The following LRRC31 variants were observed in gnomAD, a reference collection of about 807,000 sequenced individuals.
LRRC31 encodes the protein leucine-rich repeat-containing protein 31.
LRRC31 carries 35 observed loss-of-function variants against 46.7 expected under a neutral mutation model. The observed-to-expected ratio is 0.75, with a 90% confidence interval of 0.57 to 0.99. The LOEUF is 0.99. Among genes scored for constraint, LRRC31 ranks in the 50% least tolerant of loss-of-function variants. LRRC31 has a pLI of 0.00. For missense variants in LRRC31, 613 were observed against 626.1 expected (o/e 0.98, Z 0.22); for synonymous variants, 236 against 235.1 (o/e 1.00, Z -0.03).
chr3:169,859,485 T>G (rs951214175), intron 3 of LRRC31, among the ~76,000 whole-genome samples: 1 of 152,174 alleles, frequency 6.6e-6, no homozygotes, highest in Non-Finnish European at 1.5e-5. Context: ...ACAGAAATCT[T>G]TAAATAGCTG....
chr3:169,859,379 C>CAGCTACAG (rs1298870372), intron 3 of LRRC31, among the ~76,000 whole-genome samples: 2 of 151,952 alleles, frequency 1.3e-5, no homozygotes, highest in Non-Finnish European at 2.9e-5. Flanking sequence ...TGTTTCTCCT[C>CAGCTACAG]AGCTACAGGA....
chr3:169,851,638 A>G lies in LRRC31; in HGVS notation c.1140T>C (p.Ser380=), dbSNP rs1263428652. ...SLVINNCALE[S]ETFTALAEAS... Reference sequence around the variant, plus strand: ...TCTTACCAAGAGCTGTAAAAGTCTCACTCTCCAAAGCACAGTTGTTGATAA... The same window carrying G: ...TCTTACCAAGAGCTGTAAAAGTCTCGCTCTCCAAAGCACAGTTGTTGATAA... Residue 380 remains serine, a synonymous_variant, in exon 7 of 9, where the codon AGT becomes AGC. Coordinates refer to ENST00000316428, the MANE Select transcript of LRRC31 (RefSeq NM_024727.4). 1.2e-6 allele frequency: 2 copies of G among 1,613,846 alleles called. No homozygotes were observed. Among genetic ancestry groups the G allele is most frequent in the African/African-American group, 1.3e-5 (1 of 74,976 alleles).
rs1265013809 is a variant in LRRC31, at chr3:169,860,581, G to T, written c.467C>A (p.Thr156Asn). ...CATACCCAGTGCTTGAACATCGTCAGTGGTGAGTCTGCAGCTACCCAGCCT... is the reference window on the plus strand; with the variant it reads ...CATACCCAGTGCTTGAACATCGTCATTGGTGAGTCTGCAGCTACCCAGCCT... ...ILRLGSCRLTTDDVQALGEAF... is the reference protein window; with the variant it reads ...ILRLGSCRLTNDDVQALGEAF... The change falls in exon 3 of 9, where the codon ACT (threonine) becomes AAT (asparagine). Residue 156 changes from threonine (T) to asparagine (N), a missense_variant. By Grantham distance (65) the Thr-to-Asn change is moderately conservative. Transcript: ENST00000316428. 2 of 1,614,024 alleles carry T rather than the reference G, an allele frequency of 1.2e-6. No homozygotes were observed. Among genetic ancestry groups the T allele is most frequent in the Non-Finnish European group, 1.7e-6 (2 of 1,180,016 alleles).
intron 3 of LRRC31, among the ~76,000 whole-genome samples, chr3:169,858,097 T>A (rs1050347688): frequency 6.6e-6 from 1 of 152,200 alleles, no homozygotes; most frequent in African/African-American, 2.4e-5. Context: ...GCCTTCTGAT[T>A]TATGTTCTCT....
At chr3:169,869,387 A>G (rs1390638922) in intron 1 of LRRC31, among the ~76,000 whole-genome samples, 1 of 151,956 alleles carries the variant, frequency 6.6e-6, no homozygotes, top group African/African-American at 2.4e-5. Flanking sequence ...AAATAAATAA[A>G]TAAATAAAAC....
intron 1 of LRRC31, among the ~76,000 whole-genome samples, chr3:169,865,619 C>T (rs150324233): frequency 2.0e-4 from 30 of 152,256 alleles, no homozygotes; most frequent in African/African-American, 7.0e-4. Context: ...CAAAGAGCTG[C>T]CTGTTTAATG....
Position 169,851,685 on chromosome 3 carries a change from A to C in LRRC31, c.1093T>G (p.Leu365Val). The change falls in exon 7 of 9, where the codon TTA becomes GTA. Residue 365 changes from leucine (L) to valine (V), a missense_variant. Leu to Val is a conservative substitution (Grantham distance 32). Coordinates refer to ENST00000316428, the MANE Select transcript of LRRC31 (RefSeq NM_024727.4). ...SENLLSRLRF[L>V]PALKSLVINN... Reference sequence around the variant, plus strand: ...ATAACTAATGACTTCAATGCTGGTAAAAATCGGAGCCTGCTGAGTAAGTTT... The same window carrying C: ...ATAACTAATGACTTCAATGCTGGTACAAATCGGAGCCTGCTGAGTAAGTTT... 6.2e-7 allele frequency: 1 copy of C among 1,614,202 alleles called. No homozygotes were observed. The highest frequency in any genetic ancestry group is 8.5e-7 in the Non-Finnish European group (1 of 1,180,024).
chr3:169,857,345 T>TATATATATATATATATACACACAC (rs1491209579), intron 3 of LRRC31, among the ~76,000 whole-genome samples: 18 of 89,412 alleles, frequency 2.0e-4, no homozygotes, highest in Non-Finnish European at 3.3e-4. Flanking sequence ...TATATATATA[T>TATATATATATATATATACACACAC]ACACACACAC....
At chr3:169,848,842 C>A (rs1316480074) in intron 7 of LRRC31, among the ~76,000 whole-genome samples, 1 of 152,200 alleles carries the variant, frequency 6.6e-6, no homozygotes, top group Non-Finnish European at 1.5e-5. Context: ...ACTGGGGTTT[C>A]TTTCCTTCAC....
intron 8 of LRRC31, among the ~76,000 whole-genome samples, chr3:169,844,940 A>T (rs1020418453): frequency 6.6e-6 from 1 of 151,748 alleles, no homozygotes; most frequent in Non-Finnish European, 1.5e-5. Flanking sequence ...CAAAAAAAAA[A>T]AAAAAAAACA....
chr3:169,845,925 C>T (rs529175775), intron 8 of LRRC31, among the ~76,000 whole-genome samples: 1 of 152,164 alleles, frequency 6.6e-6, no homozygotes, highest in South Asian at 2.1e-4. Context: ...GTGGGACAGA[C>T]CCAGAGAAAA....
At chr3:169,856,950 A>G (rs1049314474) in intron 3 of LRRC31, 78 bp from the exon 4 acceptor site, 142 of 1,397,694 alleles carry the variant, frequency 1.0e-4, no homozygotes, top group Middle Eastern at 2.4e-4. Flanking sequence ...CAGCACAACC[A>G]TGATTAATGG....
Position 169,839,954 on chromosome 3 carries a change from G to T in LRRC31, c.*28C>A. 2 of 1,549,930 alleles carry T rather than the reference G, an allele frequency of 1.3e-6. No individual in the cohort carries two copies. The highest frequency in any genetic ancestry group is 1.8e-6 in the Non-Finnish European group (2 of 1,137,798). On this transcript the variant is annotated 3_prime_UTR_variant, in exon 9 of 9. Transcript: ENST00000316428. ...GTTCTTTTCCTTTGGAGAATGGTTT[G>T]TAGCTTAGTAGGACATGGGAAATCA...
At chr3:169,865,744 C>T (rs907311032) in intron 1 of LRRC31, among the ~76,000 whole-genome samples, 1 of 151,962 alleles carries the variant, frequency 6.6e-6, no homozygotes, top group Non-Finnish European at 1.5e-5. Context: ...GATTCCAGGT[C>T]GGGGAGGAGG....
chr3:169,851,921 C>A (rs1780788046), intron 6 of LRRC31, 135 bp from the exon 7 acceptor site: 1 of 778,652 alleles, frequency 1.3e-6, no homozygotes, highest in African/African-American at 1.8e-5. Context: ...CCTTTATACA[C>A]CCCAAACCAG....
At chr3:169,855,063 G>A in intron 5 of LRRC31, 83 bp from the exon 6 acceptor site, 3 of 1,214,568 alleles carry the variant, frequency 2.5e-6, no homozygotes, top group Non-Finnish European at 3.5e-6. Context: ...GACCAAGGCA[G>A]GAGGATTGCT....
chr3:169,855,666 C>T (rs767812954), intron 5 of LRRC31, among the ~76,000 whole-genome samples: 41 of 152,144 alleles, frequency 2.7e-4, no homozygotes, highest in Non-Finnish European at 1.6e-4. Context: ...TGGACGCCAT[C>T]GAAGCCGTTC....
At chr3:169,840,678 T>C (rs1011938709) in intron 8 of LRRC31, among the ~76,000 whole-genome samples, 1 of 152,256 alleles carries the variant, frequency 6.6e-6, no homozygotes, top group Non-Finnish European at 1.5e-5. Flanking sequence ...ATCTTGCTGC[T>C]TTAATTGTTC....
chr3:169,857,345 T>TATATATATATAC (rs1491209579), intron 3 of LRRC31, among the ~76,000 whole-genome samples: 1 of 89,428 alleles, frequency 1.1e-5, no homozygotes, highest in African/African-American at 4.7e-5. Flanking sequence ...TATATATATA[T>TATATATATATAC]ACACACACAC....
Sources: gnomAD v4.1 joint callset for allele counts (sites outside exome capture counted in the v4.1 genomes callset) on GRCh38, gnomAD v4.1.1 for gene constraint, MANE v1.5 for transcripts, NCBI Gene and HGNC (gene_info 2026-07-23, HGNC 2026-07-21) for gene names.